The following IQCH variants were observed in gnomAD, a reference collection of about 807,000 sequenced individuals.
IQCH encodes IQ domain-containing protein H.
In IQCH, 98 loss-of-function variants were observed where a neutral mutation model predicts 117.0. The observed-to-expected ratio is 0.84, with a 90% confidence interval of 0.71 to 0.99. IQCH has a LOEUF of 0.99. Ranked by LOEUF, IQCH falls within the 50% of genes least tolerant of loss-of-function variation. The pLI is 0.00. For synonymous variants in IQCH, 412 were observed against 448.2 expected, an observed-to-expected ratio of 0.92 and a Z score of 1.02; for missense variants, 1,102 against 1,243.8, an observed-to-expected ratio of 0.89 and a Z score of 1.72.
chr15:67,383,324 G>C (rs1971002998), intron 10 of IQCH, among the ~76,000 whole-genome samples: 1 of 152,170 alleles, frequency 6.6e-6, no homozygotes, highest in Non-Finnish European at 1.5e-5. Flanking sequence ...AGTGGTAACA[G>C]AGGTCCCAAG....
Position 67,308,814 on chromosome 15 carries a change from G to A in IQCH, c.388-28161G>A, listed in dbSNP as rs140790184. On this transcript the variant is annotated intron_variant, in intron 4 of 20. Transcript: ENST00000335894. ...ATGGAATGTTGGCTGGTGGATGGCT[G>A]TCTCACTAAAGCCCATTGCTCTGGG... 3.8e-4 allele frequency among the ~76,000 whole-genome samples: 58 copies of A among 152,108 alleles called. No homozygotes were observed. The East Asian group carries it at 7.5e-3, about 20-fold the overall frequency.
chr15:67,257,912 T>C (rs1965289487), intron 1 of IQCH, among the ~76,000 whole-genome samples: 1 of 152,186 alleles, frequency 6.6e-6, no homozygotes, highest in Non-Finnish European at 1.5e-5. Context: ...TGTGTCTGAT[T>C]TGTCAGGTGC....
rs2082604650 is a variant in IQCH at position 67,454,243 on chromosome 15, C to T, written c.2506-10884C>T. ...GTGTGCTGCACCCACCATCCTGCGC[C>T]TACTGTCTGGCACTCCCCAGTGAGA... On this transcript the variant is annotated intron_variant, in intron 16 of 20. Transcript: ENST00000335894. The surrounding 1 kb of genome is among the most constrained non-coding windows in gnomAD (Gnocchi z 5.2). 6.6e-6 allele frequency among the ~76,000 whole-genome samples: 1 copy of T among 152,186 alleles called. No homozygotes were observed. Among genetic ancestry groups the T allele is most frequent in the Non-Finnish European group, 1.5e-5 (1 of 68,024 alleles).
Position 67,401,607 on chromosome 15 carries a change from A to G in IQCH, c.2097+1302A>G, listed in dbSNP as rs1307984736. On this transcript the variant is annotated intron_variant, in intron 14 of 20. Transcript: ENST00000335894. The surrounding 1 kb of genome is among the most constrained non-coding windows in gnomAD (Gnocchi z 4.7). ...TTATTCTTGGAAAGTGGAGTGATGA[A>G]TAAATCTATTGAACAGTCAGGAGAG... Among the ~76,000 whole-genome samples, 1 of 152,220 alleles carries G rather than the reference A, an allele frequency of 6.6e-6. No homozygotes were observed. The highest frequency in any genetic ancestry group is 2.4e-5 in the African/African-American group (1 of 41,452).
At position 67,431,191 on chromosome 15, in the gene IQCH, G is replaced by A. The variant is rs1055875330; in HGVS notation, c.2505+9614G>A. Among the ~76,000 whole-genome samples the A allele has an allele frequency of 6.6e-6, 1 of 152,132 alleles. No individual in the cohort carries two copies. Among genetic ancestry groups the A allele is most frequent in the African/African-American group, 2.4e-5 (1 of 41,408 alleles). On this transcript the variant is annotated intron_variant, in intron 16 of 20. Coordinates refer to ENST00000335894, the MANE Select transcript of IQCH (RefSeq NM_001031715.3). The surrounding 1 kb of genome is among the most constrained non-coding windows in gnomAD (Gnocchi z 4.8). The stretch of plus-strand genomic sequence containing the variant: ...AAATATCATGTTGGATTCACCTCAA[G>A]TAAATATACATTTATATAGCAATTC...
intron 4 of IQCH, among the ~76,000 whole-genome samples, chr15:67,325,677 C>T (rs1273040178): frequency 1.3e-5 from 2 of 151,930 alleles, no homozygotes; most frequent in Non-Finnish European, 1.5e-5. Flanking sequence ...TCTGCATAAC[C>T]AAAATGCCAT....
chr15:67,303,396 T>C lies in IQCH; in HGVS notation c.387+23884T>C, dbSNP rs141520058. ...TGTGAATATACTGAAAACCACTGAA[T>C]TGTACACTTTAAAGGGGTGAATTTT... On this transcript the variant is annotated intron_variant, in intron 4 of 20. Coordinates refer to ENST00000335894, the MANE Select transcript of IQCH (RefSeq NM_001031715.3). Among the ~76,000 whole-genome samples, 430 of 152,260 alleles carry C rather than the reference T, an allele frequency of 2.8e-3. 3 individuals carry two copies. Among genetic ancestry groups the C allele is most frequent in the African/African-American group, 9.4e-3 (391 of 41,542 alleles).
chr15:67,386,777 A>G lies in IQCH; in HGVS notation c.1456+1758A>G, dbSNP rs1971120587. Among the ~76,000 whole-genome samples the G allele has an allele frequency of 6.6e-6, 1 of 152,100 alleles. No homozygotes were observed. Among genetic ancestry groups the G allele is most frequent in the African/African-American group, 2.4e-5 (1 of 41,440 alleles). On this transcript the variant is annotated intron_variant, in intron 11 of 20. Coordinates refer to ENST00000335894, the MANE Select transcript of IQCH (RefSeq NM_001031715.3). This position sits in a 1 kb window ranked among gnomAD's most constrained non-coding sequence, Gnocchi z 5.0. ...CTGACCAGCAATCAAAGAAAGTTTCATCTTCGTATCAATTCCTTTCCAAAA... is the reference window on the plus strand; with the variant it reads ...CTGACCAGCAATCAAAGAAAGTTTCGTCTTCGTATCAATTCCTTTCCAAAA...
chr15:67,444,624 CA>C (rs2082353310), intron 16 of IQCH, among the ~76,000 whole-genome samples: 1 of 152,248 alleles, frequency 6.6e-6, no homozygotes, highest in Admixed American at 6.5e-5. Context: ...GTCAAAAGTG[CA>C]AGATAAATGC....
chr15:67,291,106 C>G (rs978738400), intron 4 of IQCH, among the ~76,000 whole-genome samples: 4 of 152,172 alleles, frequency 2.6e-5, no homozygotes, highest in African/African-American at 7.2e-5. Flanking sequence ...AAGGGACATA[C>G]TATCACTGTG....
At chr15:67,396,944 A>G (rs1322683176) in intron 13 of IQCH, among the ~76,000 whole-genome samples, 4 of 152,220 alleles carry the variant, frequency 2.6e-5, no homozygotes, top group Admixed American at 6.5e-5. Flanking sequence ...TCTTAACGGT[A>G]TCACAACCTA....
chr15:67,262,045 C>T (rs934911369), intron 2 of IQCH, among the ~76,000 whole-genome samples: 3 of 152,036 alleles, frequency 2.0e-5, no homozygotes, highest in African/African-American at 7.2e-5. Context: ...GCCTTGATTT[C>T]CCCACTGCAT....
Position 67,494,871 on chromosome 15 carries a change from G to A in IQCH, c.2970+505G>A, listed in dbSNP as rs998825487. On this transcript the variant is annotated intron_variant, in intron 20 of 20. Coordinates refer to ENST00000335894, the MANE Select transcript of IQCH (RefSeq NM_001031715.3). The surrounding 1 kb of genome is among the most constrained non-coding windows in gnomAD (Gnocchi z 5.5). ...TACCCCACCCGTTTCTCCACCGTGG[G>A]TTGGATTATTTCACTACTAACCTTT... Among the ~76,000 whole-genome samples the A allele has an allele frequency of 4.6e-5, 7 of 152,158 alleles. No individual in the cohort carries two copies. The highest frequency in any genetic ancestry group is 1.7e-4 in the African/African-American group (7 of 41,438).
In IQCH at chr15:67,458,538, G is replaced by A. The variant is rs1016948311; in HGVS notation, c.2506-6589G>A. Among the ~76,000 whole-genome samples, 1 of 152,160 alleles carries A rather than the reference G, an allele frequency of 6.6e-6. No homozygotes were observed. The highest frequency in any genetic ancestry group is 2.4e-5 in the African/African-American group (1 of 41,424). On this transcript the variant is annotated intron_variant, in intron 16 of 20. Coordinates refer to ENST00000335894, the MANE Select transcript of IQCH (RefSeq NM_001031715.3). This position sits in a 1 kb window ranked among gnomAD's most constrained non-coding sequence, Gnocchi z 4.1. ...TGTCAATGCAATTAGAGTCACATTA[G>A]TTAGCTCACATCACTCCTCCACTCA...
In IQCH at chr15:67,465,260, G is replaced by A. The variant is rs751496077; in HGVS notation, c.2639G>A (p.Arg880Lys). Residue 880 changes from arginine (R) to lysine (K), a missense_variant, in exon 17 of 21, where the codon AGG (arginine) becomes AAG (lysine). By Grantham distance (26) the Arg-to-Lys change is conservative. This residue lies in a region of IQCH where 650 missense variants were observed against 794.3 expected (regional missense o/e 0.82). Coordinates refer to ENST00000335894, the MANE Select transcript of IQCH (RefSeq NM_001031715.3). This position sits in a 1 kb window ranked among gnomAD's most constrained non-coding sequence, Gnocchi z 5.9. Reference protein sequence around the residue: ...LEVPRFVPKERKKTKCMSALS... With the variant: ...LEVPRFVPKEKKKTKCMSALS... ...GTGCCCCGCTTTGTTCCAAAGGAAA[G>A]GAAGAAAACCAAATGCATGAGTGCG... 1.2e-6 allele frequency: 2 copies of A among 1,613,958 alleles called. No homozygotes were observed. Among genetic ancestry groups the A allele is most frequent in the African/African-American group, 2.7e-5 (2 of 74,886 alleles).
intron 8 of IQCH, chr15:67,371,574 C>G: frequency 8.2e-7 from 1 of 1,215,524 alleles, no homozygotes; most frequent in South Asian, 1.4e-5. Context: ...AAAATGACCT[C>G]TGGATATTAA....
chr15:67,344,110 A>G lies in IQCH; in HGVS notation c.556A>G (p.Ile186Val). The G allele has an allele frequency of 6.8e-6, 11 of 1,613,438 alleles. No individual in the cohort carries two copies. Among genetic ancestry groups the G allele is most frequent in the Non-Finnish European group, 9.3e-6 (11 of 1,179,428 alleles). Residue 186 changes from isoleucine to valine, a missense_variant, in exon 6 of 21, where the codon ATT becomes GTT. By Grantham distance (29) the Ile-to-Val change is conservative. Around this residue, in one of 2 missense-constraint regions of IQCH, gnomAD observed 452 missense variants for 449.6 expected, o/e 1.01. Coordinates refer to ENST00000335894, the MANE Select transcript of IQCH (RefSeq NM_001031715.3). The stretch of plus-strand genomic sequence containing the variant: ...AGGGCTGATTCCACCAACAGCAAGG[A>G]TTACCTTTCAGAATCCACCCATTAC... ...ERGLIPPTAR[I>V]TFQNPPITPR...
intron 3 of IQCH, among the ~76,000 whole-genome samples, chr15:67,270,495 G>A (rs924459160): frequency 4.6e-5 from 7 of 152,210 alleles, no homozygotes; most frequent in Non-Finnish European, 8.8e-5. Context: ...AATGTTAGAG[G>A]TGGAACCTGA....
chr15:67,316,811 C>T (rs756837602), intron 4 of IQCH, among the ~76,000 whole-genome samples: 1 of 152,174 alleles, frequency 6.6e-6, no homozygotes, highest in Non-Finnish European at 1.5e-5. Flanking sequence ...GGACTTTCAA[C>T]GTAGCATTCT....
Sources: allele counts gnomAD v4.1 joint callset (sites outside exome capture counted in the v4.1 genomes callset), GRCh38; gene constraint gnomAD v4.1.1; regional missense constraint gnomAD v4.1.1; non-coding constraint Gnocchi (gnomAD v3.1); transcripts MANE v1.5; gene names NCBI Gene and HGNC (gene_info 2026-07-23, HGNC 2026-07-21).